The following CISD2 variants were observed in gnomAD, a reference collection of about 807,000 sequenced individuals.
The protein encoded by CISD2 is CDGSH iron sulfur domain 2, also known as CDGSH iron-sulfur domain-containing protein 2.
In CISD2, 1 loss-of-function variant was observed where a neutral mutation model predicts 12.9. The ratio of observed to expected loss-of-function variants is 0.08; its 90% CI spans 0.03 to 0.37. CISD2 has a LOEUF of 0.37. Among genes scored for constraint, CISD2 ranks in the 10% least tolerant of loss-of-function variants. The pLI is 0.99. For missense variants in CISD2, 97 were observed against 163.1 expected, an observed-to-expected ratio of 0.59 and a Z score of 2.21; for synonymous variants, 50 against 60.6, an observed-to-expected ratio of 0.83 and a Z score of 0.81.
chr4:102,880,691 T>C (rs182790651), intron 1 of CISD2, among the ~76,000 whole-genome samples: 1 of 150,420 alleles, frequency 6.6e-6, no homozygotes, highest in South Asian at 2.1e-4. Flanking sequence ...AAAAAAAATA[T>C]ATTTTAAATT....
rs190212874 is a variant in CISD2 at position 102,885,207 on chromosome 4, C to A, written c.104-9C>A. 1.2e-4 allele frequency: 201 copies of A among 1,609,040 alleles called. 1 individual carries two copies. In the African/African-American group the frequency reaches 2.5e-3, roughly 20 times the overall value. ...AGCACTGCAGATTCTGACACATCTA[C>A]ATGTTTAGTTTCAGAATGGCTTCGG... On this transcript the variant is annotated splice_polypyrimidine_tract_variant and intron_variant, in intron 1 of 2. Transcript: ENST00000273986.
intron 1 of CISD2, among the ~76,000 whole-genome samples, chr4:102,871,974 C>T (rs561603969): frequency 2.0e-4 from 30 of 152,234 alleles, no homozygotes; most frequent in Middle Eastern, 3.4e-3. Context: ...AGGCAGTTCT[C>T]ACCTATCAGA....
intron 1 of CISD2, among the ~76,000 whole-genome samples, chr4:102,884,640 A>C (rs1361648079): frequency 6.6e-6 from 1 of 152,244 alleles, no homozygotes; most frequent in Non-Finnish European, 1.5e-5. Context: ...ATGGAATTAG[A>C]TATATCTTAA....
intron 1 of CISD2, among the ~76,000 whole-genome samples, chr4:102,878,392 G>A (rs1325998674): frequency 6.6e-6 from 1 of 152,174 alleles, no homozygotes; most frequent in Non-Finnish European, 1.5e-5. Context: ...GCCTCCCAAA[G>A]TGCTAGGATT....
intron 1 of CISD2, among the ~76,000 whole-genome samples, chr4:102,870,891 T>A (rs910561554): frequency 2.6e-5 from 4 of 152,230 alleles, no homozygotes; most frequent in Non-Finnish European, 5.9e-5. Context: ...TTCTATTTTT[T>A]AAAATTCATT....
rs1436642501 is a variant in CISD2, at chr4:102,890,603, G to A, written c.*3173G>A. 6.6e-6 allele frequency: 1 copy of A among 152,094 alleles called. No individual in the cohort carries two copies. Among genetic ancestry groups the A allele is most frequent in the African/African-American group, 2.4e-5 (1 of 41,406 alleles). The allele number at this position is 152,094 out of a possible 1,614,324, so 9.4% of individuals were successfully genotyped here. On this transcript the variant is annotated 3_prime_UTR_variant, in exon 3 of 3. Coordinates refer to ENST00000273986, the MANE Select transcript of CISD2 (RefSeq NM_001008388.5). Reference sequence around the variant, plus strand: ...CACCTGTAATCTCAGCACTTTGGGAGGCTGAGGTGGGTGGAGTACTTGATC... The same window carrying A: ...CACCTGTAATCTCAGCACTTTGGGAAGCTGAGGTGGGTGGAGTACTTGATC...
intron 2 of CISD2, 133 bp downstream of exon 2, chr4:102,885,563 T>G (rs899688872): frequency 2.8e-6 from 2 of 723,218 alleles, no homozygotes; most frequent in Admixed American, 2.3e-5. Context: ...ACCATATTCC[T>G]AAATTGAAGT....
intron 1 of CISD2, among the ~76,000 whole-genome samples, chr4:102,883,500 T>A (rs1733777264): frequency 1.3e-5 from 2 of 152,198 alleles, no homozygotes; most frequent in Non-Finnish European, 2.9e-5. Context: ...TATCCTCTCC[T>A]CTTGGGAACT....
At chr4:102,884,546 A>G (rs1733814006) in intron 1 of CISD2, among the ~76,000 whole-genome samples, 1 of 152,218 alleles carries the variant, frequency 6.6e-6, no homozygotes, top group Non-Finnish European at 1.5e-5. Flanking sequence ...GTCCACATGC[A>G]TAGGGACTGT....
chr4:102,876,409 C>T lies in CISD2; in HGVS notation c.103+7222C>T, dbSNP rs1018471279. 7.2e-5 allele frequency among the ~76,000 whole-genome samples: 11 copies of T among 152,312 alleles called. 1 individual carries two copies. In the East Asian group the frequency reaches 1.7e-3, roughly 24 times the overall value. On this transcript the variant is annotated intron_variant, in intron 1 of 2. Coordinates refer to ENST00000273986, the MANE Select transcript of CISD2 (RefSeq NM_001008388.5). Reference sequence around the variant, plus strand: ...ACTGTATTTGCATTTAGCACAGTATCTCTACATAGTAGGTGTATTAGTCTG... The same window carrying T: ...ACTGTATTTGCATTTAGCACAGTATTTCTACATAGTAGGTGTATTAGTCTG...
chr4:102,869,762 C>T (rs757956327), intron 1 of CISD2, among the ~76,000 whole-genome samples: 2 of 152,156 alleles, frequency 1.3e-5, no homozygotes, highest in African/African-American at 2.4e-5. Flanking sequence ...TCCGTTTCTA[C>T]GGTCCCGGGG....
In CISD2 at chr4:102,889,723, G is replaced by A. The variant is rs1398306214; in HGVS notation, c.*2293G>A. On this transcript the variant is annotated 3_prime_UTR_variant, in exon 3 of 3. Coordinates refer to ENST00000273986, the MANE Select transcript of CISD2 (RefSeq NM_001008388.5). ...TGTGCACATTTTTCAGAAGCGTAGG[G>A]TTGGTAGTAAGCTGTTGCTTTAATA... The A allele has an allele frequency of 6.6e-6, 1 of 152,146 alleles. No individual in the cohort carries two copies. Among genetic ancestry groups the A allele is most frequent in the African/African-American group, 2.4e-5 (1 of 41,424 alleles). 9.4% of individuals were successfully genotyped at this position (152,146 alleles called of 1,614,324 possible). A position where few individuals can be genotyped will look rare whatever the true frequency, so the allele number is the denominator to read the frequency against.
rs1734074528 is a variant in CISD2 at position 102,888,793 on chromosome 4, C to T, written c.*1363C>T. 6.6e-6 allele frequency: 1 copy of T among 152,226 alleles called. No individual in the cohort carries two copies. The highest frequency in any genetic ancestry group is 1.5e-5 in the Non-Finnish European group (1 of 68,052). The allele number at this position is 152,226 out of a possible 1,614,324, so 9.4% of individuals were successfully genotyped here. ...CCTCTGCTGGGCTCTGTAGGGAATC[C>T]TTTCTGTTGTAAAAGAGTTACCATT... is the stretch of plus-strand genomic sequence containing the variant. On this transcript the variant is annotated 3_prime_UTR_variant, in exon 3 of 3. Coordinates refer to ENST00000273986, the MANE Select transcript of CISD2 (RefSeq NM_001008388.5).
At position 102,885,285 on chromosome 4, in the gene CISD2, C is replaced by G; in HGVS notation, c.173C>G (p.Pro58Arg). ...LALLGYLAVR[P>R]FLPKKKQQKD... is the part of the protein sequence containing the mutation. ...CTTCTTGGCTACCTTGCAGTTCGTC[C>G]ATTCCTCCCGAAGAAGAAACAACAG... Residue 58 changes from proline (P) to arginine (R), a missense_variant, in exon 2 of 3, where the codon CCA (proline) becomes CGA (arginine). Coordinates refer to ENST00000273986, the MANE Select transcript of CISD2 (RefSeq NM_001008388.5). 6.2e-7 allele frequency: 1 copy of G among 1,614,076 alleles called. No individual in the cohort carries two copies. The highest frequency in any genetic ancestry group is 8.5e-7 in the Non-Finnish European group (1 of 1,179,974).
At chr4:102,869,434 A>T (rs2110389669) in intron 1 of CISD2, 1 of 706,650 alleles carries the variant, frequency 1.4e-6, no homozygotes, top group South Asian at 1.5e-5. Context: ...CCGTGGCAAG[A>T]TACCAGGTTT....
At chr4:102,876,711 C>G (rs1440221654) in intron 1 of CISD2, among the ~76,000 whole-genome samples, 2 of 151,836 alleles carry the variant, frequency 1.3e-5, no homozygotes, top group Non-Finnish European at 2.9e-5. Context: ...GATCATGCCA[C>G]TGCACTCCAG....
At chr4:102,869,589 C>T (rs1414216732) in intron 1 of CISD2, 2 of 695,430 alleles carry the variant, frequency 2.9e-6, no homozygotes, top group East Asian at 2.7e-5. Context: ...CCCCAGCTAC[C>T]GGCTGGGTTG....
At chr4:102,881,950 G>A (rs1380023653) in intron 1 of CISD2, among the ~76,000 whole-genome samples, 1 of 152,188 alleles carries the variant, frequency 6.6e-6, no homozygotes, top group Non-Finnish European at 1.5e-5. Flanking sequence ...CCAGGACTTC[G>A]TGGGGCTGAG....
intron 1 of CISD2, among the ~76,000 whole-genome samples, chr4:102,883,592 T>C (rs372370826): frequency 6.6e-5 from 10 of 152,296 alleles, no homozygotes; most frequent in African/African-American, 2.4e-4. Flanking sequence ...GTGGTGCCCA[T>C]ATTGAATAGC....
Sources: allele counts gnomAD v4.1 joint callset (sites outside exome capture counted in the v4.1 genomes callset), GRCh38; gene constraint gnomAD v4.1.1; transcripts MANE v1.5; gene names NCBI Gene and HGNC (gene_info 2026-07-23, HGNC 2026-07-21).